ST7: variants seen among roughly 807,000 people sequenced by gnomAD.
ST7 encodes the protein suppressor of tumorigenicity 7 protein.
ST7 carries 28 observed loss-of-function variants against 78.7 expected under a neutral mutation model. That is an observed-to-expected ratio of 0.36 (90% CI 0.26 to 0.49). ST7 has a LOEUF of 0.49. Among genes scored for constraint, ST7 ranks in the 20% least tolerant of loss-of-function variants. The probability of loss-of-function intolerance (pLI) is 0.99; values close to 1 mark genes in which losing one functional copy is unlikely to be tolerated. For synonymous variants in ST7, 247 were observed against 249.6 expected, an observed-to-expected ratio of 0.99 and a Z score of 0.10; for missense variants, 418 against 696.0, an observed-to-expected ratio of 0.60 and a Z score of 4.49.
intron 10 of ST7, among the ~76,000 whole-genome samples, chr7:117,187,939 A>G (rs1423409907): frequency 6.6e-6 from 1 of 152,200 alleles, no homozygotes; most frequent in African/African-American, 2.4e-5. Flanking sequence ...AGACTAATCC[A>G]TGAGTGTCTG....
At chr7:117,191,870 G>T (rs551588171) in intron 12 of ST7, 2 of 152,018 alleles carry the variant, frequency 1.3e-5, no homozygotes, top group East Asian at 1.9e-4. Context: ...GCAAAAGGGT[G>T]GGGGGGTATG....
intron 9 of ST7, among the ~76,000 whole-genome samples, chr7:117,155,518 T>G (rs1387805668): frequency 6.6e-6 from 1 of 151,820 alleles, no homozygotes; most frequent in Admixed American, 6.6e-5. Flanking sequence ...CTGAAGAGGG[T>G]TTGGATTTGG....
rs1804532530 is a variant in ST7 at position 117,133,519 on chromosome 7, C to T, written c.642-605C>T. On this transcript the variant is annotated intron_variant, in intron 6 of 15. Coordinates refer to ENST00000323984, the MANE Select transcript of ST7 (RefSeq NM_001369598.1). Reference sequence around the variant, plus strand: ...AGTTTTGCTTTTTCTTTATTATCTACTGCTTTTAACAATAAACCTTCCTTG... The same window carrying T: ...AGTTTTGCTTTTTCTTTATTATCTATTGCTTTTAACAATAAACCTTCCTTG... Among the ~76,000 whole-genome samples, 4 of 151,676 alleles carry T rather than the reference C, an allele frequency of 2.6e-5. No homozygotes were observed. In the South Asian group the frequency reaches 8.3e-4, roughly 31 times the overall value.
rs1441624178 is a variant in ST7 at position 117,094,055 on chromosome 7, A to G, written c.152-5707A>G. Among the ~76,000 whole-genome samples the G allele has an allele frequency of 2.0e-5, 3 of 152,306 alleles. No homozygotes were observed. The East Asian group carries it at 5.8e-4, about 29-fold the overall frequency. ...AATCATTTTGGTAATTTTGGGGAAGACACACAGCTGTCCTGATTTTTAGAA... is the reference window on the plus strand; with the variant it reads ...AATCATTTTGGTAATTTTGGGGAAGGCACACAGCTGTCCTGATTTTTAGAA... On this transcript the variant is annotated intron_variant, in intron 1 of 15. Transcript: ENST00000323984.
At chr7:117,050,063 A>G (rs1200792286) in intron 1 of ST7, among the ~76,000 whole-genome samples, 2 of 151,930 alleles carry the variant, frequency 1.3e-5, no homozygotes, top group South Asian at 2.1e-4. Flanking sequence ...AAAAAAAAAA[A>G]AAATAGCTGG....
chr7:117,134,583 A>G (rs1201951901), intron 7 of ST7, among the ~76,000 whole-genome samples: 1 of 152,084 alleles, frequency 6.6e-6, no homozygotes, highest in East Asian at 1.9e-4. Context: ...AACAACTACA[A>G]TCTTATAGCT....
chr7:117,158,720 C>T (rs1407517334), intron 9 of ST7, among the ~76,000 whole-genome samples: 2 of 152,168 alleles, frequency 1.3e-5, no homozygotes. Flanking sequence ...ATGGAACTCT[C>T]GTGGGCCTCT....
intron 1 of ST7, among the ~76,000 whole-genome samples, chr7:117,081,268 G>A (rs1799752655): frequency 6.6e-6 from 1 of 151,994 alleles, no homozygotes; most frequent in African/African-American, 2.4e-5. Context: ...TACCTAACAT[G>A]GCCCTAAGAA....
intron 9 of ST7, among the ~76,000 whole-genome samples, chr7:117,141,815 G>A (rs541590918): frequency 1.3e-5 from 2 of 151,942 alleles, no homozygotes; most frequent in Non-Finnish European, 2.9e-5. Context: ...GACTGCAGGC[G>A]CACACCATCA....
At chr7:117,186,604 T>G (rs1346980877) in intron 10 of ST7, among the ~76,000 whole-genome samples, 1 of 152,220 alleles carries the variant, frequency 6.6e-6, no homozygotes, top group Non-Finnish European at 1.5e-5. Context: ...CCACAGAAAG[T>G]GAAACTACTG....
intron 1 of ST7, among the ~76,000 whole-genome samples, chr7:117,086,642 C>G (rs1800168078): frequency 6.6e-6 from 1 of 151,928 alleles, no homozygotes; most frequent in African/African-American, 2.4e-5. Context: ...ACAAAAAGCA[C>G]CTGGAATTTA....
chr7:117,164,845 T>G (rs981355211), intron 9 of ST7, among the ~76,000 whole-genome samples: 4 of 144,740 alleles, frequency 2.8e-5, no homozygotes, highest in African/African-American at 1.0e-4. Flanking sequence ...CCTTTATTGT[T>G]TTTTGGTGGG....
At chr7:117,116,962 A>G (rs894236497) in intron 2 of ST7, among the ~76,000 whole-genome samples, 1 of 152,220 alleles carries the variant, frequency 6.6e-6, no homozygotes, top group Non-Finnish European at 1.5e-5. Context: ...GGACAGTGTC[A>G]GAGGGCACTT....
chr7:117,223,770 G>A (rs910566522), intron 15 of ST7: 1 of 160,010 alleles, frequency 6.2e-6, no homozygotes, highest in Non-Finnish European at 1.3e-5. Context: ...TATTATAATT[G>A]TTGAAAACTT....
chr7:116,975,810 A>AT (rs1793676932), intron 1 of ST7, among the ~76,000 whole-genome samples: 1 of 152,164 alleles, frequency 6.6e-6, no homozygotes, highest in African/African-American at 2.4e-5. Context: ...TTAAAAGGAA[A>AT]TATTAGATCT....
At chr7:117,152,203 A>G (rs990251196) in intron 9 of ST7, among the ~76,000 whole-genome samples, 2,217 of 94,662 alleles carry the variant, frequency 0.023, 91 homozygotes, top group Non-Finnish European at 0.042. Flanking sequence ...ATATATATAT[A>G]TATATATATA....
intron 1 of ST7, among the ~76,000 whole-genome samples, chr7:117,052,318 T>G (rs1797828773): frequency 6.6e-6 from 1 of 152,190 alleles, no homozygotes; most frequent in Non-Finnish European, 1.5e-5. Context: ...GAACTCTATT[T>G]ATGGGGAACT....
At chr7:117,051,033 A>G (rs1797768022) in intron 1 of ST7, among the ~76,000 whole-genome samples, 1 of 151,906 alleles carries the variant, frequency 6.6e-6, no homozygotes, top group South Asian at 2.1e-4. Flanking sequence ...TTTATTGCAG[A>G]AAATTTGCGT....
At chr7:117,010,599 A>G (rs1038284822) in intron 1 of ST7, among the ~76,000 whole-genome samples, 3 of 152,198 alleles carry the variant, frequency 2.0e-5, no homozygotes, top group South Asian at 2.1e-4. Context: ...GGGATGTGAC[A>G]TAACCTTAAG....
Sources: allele counts gnomAD v4.1 joint callset (sites outside exome capture counted in the v4.1 genomes callset), GRCh38; gene constraint gnomAD v4.1.1; transcripts MANE v1.5; gene names NCBI Gene and HGNC (gene_info 2026-07-23, HGNC 2026-07-21).